SDK1: variants seen among roughly 807,000 people sequenced by gnomAD.
SDK1 encodes the protein sidekick cell adhesion molecule 1.
In SDK1, 157 loss-of-function variants were observed where a neutral mutation model predicts 245.5. The ratio of observed to expected loss-of-function variants is 0.64; its 90% CI spans 0.56 to 0.73. The LOEUF (loss-of-function observed/expected upper bound fraction) is 0.73, where lower values mean the gene tolerates loss of function less well. SDK1 is among the 30% of genes least tolerant of loss of function. The probability of loss-of-function intolerance (pLI) is 0.00; values close to 1 mark genes in which losing one functional copy is unlikely to be tolerated. For synonymous variants in SDK1, 1,647 were observed against 1,278.5 expected, an observed-to-expected ratio of 1.29 and a Z score of -6.15; for missense variants, 3,583 against 3,002.3, an observed-to-expected ratio of 1.19 and a Z score of -4.52.
In SDK1 at chr7:3,929,041, A is replaced by G. The variant is rs113480344; in HGVS notation, c.848-21882A>G. Among the ~76,000 whole-genome samples the G allele has an allele frequency of 1.1e-3, 171 of 152,364 alleles. 1 individual carries two copies. The highest frequency in any genetic ancestry group is 3.9e-3 in the African/African-American group (164 of 41,584). On this transcript the variant is annotated intron_variant, in intron 5 of 44. Coordinates refer to ENST00000404826, the MANE Select transcript of SDK1 (RefSeq NM_152744.4). ...TCAGTGTCACCAGAGGACACATCAG[A>G]CACAGTTAGCCTTCCCCATGTCAAC...
chr7:3,735,376 G>A (rs1246150847), intron 4 of SDK1, among the ~76,000 whole-genome samples: 1 of 152,154 alleles, frequency 6.6e-6, no homozygotes. Context: ...GTCTCTATGA[G>A]TTTGACTACT....
chr7:3,449,901 T>C (rs578059564), intron 1 of SDK1, among the ~76,000 whole-genome samples: 2 of 152,200 alleles, frequency 1.3e-5, no homozygotes, highest in Admixed American at 6.5e-5. Flanking sequence ...CAGAACTGTT[T>C]ATTAACAATT....
At chr7:4,073,292 C>T (rs1269812534) in intron 20 of SDK1, among the ~76,000 whole-genome samples, 2 of 152,190 alleles carry the variant, frequency 1.3e-5, no homozygotes, top group African/African-American at 4.8e-5. Flanking sequence ...CACCTCACGC[C>T]CACCACTCTG....
intron 1 of SDK1, among the ~76,000 whole-genome samples, chr7:3,447,585 G>A (rs191688434): frequency 4.0e-5 from 6 of 151,712 alleles, no homozygotes; most frequent in Admixed American, 1.3e-4. Context: ...TAGTATGAAT[G>A]TACTAATTAA....
At chr7:3,537,293 A>G (rs1227583482) in intron 1 of SDK1, among the ~76,000 whole-genome samples, 1 of 152,134 alleles carries the variant, frequency 6.6e-6, no homozygotes, top group African/African-American at 2.4e-5. Flanking sequence ...GTCTTAAAAT[A>G]CCCATTGTTC....
At chr7:3,969,845 C>T (rs568154535) in intron 11 of SDK1, among the ~76,000 whole-genome samples, 3 of 152,136 alleles carry the variant, frequency 2.0e-5, no homozygotes, top group Non-Finnish European at 4.4e-5. Context: ...ATCAATGTTT[C>T]TTGTATGTTA....
chr7:4,203,313 C>A (rs1171633041), intron 35 of SDK1, among the ~76,000 whole-genome samples: 2 of 152,190 alleles, frequency 1.3e-5, no homozygotes, highest in Non-Finnish European at 1.5e-5. Context: ...CTCTCCCAGG[C>A]CGCAGAGGCC....
intron 11 of SDK1, among the ~76,000 whole-genome samples, chr7:3,970,649 T>G (rs1782421199): frequency 6.6e-6 from 1 of 152,224 alleles, no homozygotes; most frequent in South Asian, 2.1e-4. Flanking sequence ...GATTCAACAT[T>G]ATAGCGACAC....
chr7:4,132,193 G>A (rs751835397), intron 27 of SDK1, 132 bp from the exon 28 acceptor site: 2 of 646,550 alleles, frequency 3.1e-6, no homozygotes, highest in Non-Finnish European at 5.4e-6. Flanking sequence ...AAACTTTAGG[G>A]GGTTCTAAAC....
chr7:3,502,054 G>T (rs1036321614), intron 1 of SDK1, among the ~76,000 whole-genome samples: 1 of 152,006 alleles, frequency 6.6e-6, no homozygotes, highest in Non-Finnish European at 1.5e-5. Flanking sequence ...ACTGCCATTT[G>T]ATTTCTATAA....
At chr7:4,254,617 C>T (rs920251300) in intron 44 of SDK1, among the ~76,000 whole-genome samples, 1 of 151,190 alleles carries the variant, frequency 6.6e-6, no homozygotes, top group Admixed American at 6.6e-5. Context: ...TGGGCACCCT[C>T]AGAAGCTACC....
intron 5 of SDK1, among the ~76,000 whole-genome samples, chr7:3,824,900 G>C (rs555632245): frequency 6.6e-6 from 1 of 152,154 alleles, no homozygotes; most frequent in East Asian, 1.9e-4. Context: ...CCCCTCTTGC[G>C]TGGTTAAGAA....
chr7:3,505,507 TC>T (rs995057740), intron 1 of SDK1, among the ~76,000 whole-genome samples: 1 of 152,174 alleles, frequency 6.6e-6, no homozygotes, highest in African/African-American at 2.4e-5. Context: ...CACCTAGGCC[TC>T]CCATAGTGCT....
intron 18 of SDK1, among the ~76,000 whole-genome samples, chr7:4,050,607 C>G (rs1789378914): frequency 6.6e-6 from 1 of 152,170 alleles, no homozygotes; most frequent in African/African-American, 2.4e-5. Flanking sequence ...AAAACATGAA[C>G]ACGCTTTCCT....
intron 1 of SDK1, among the ~76,000 whole-genome samples, chr7:3,573,179 G>C (rs1183739956): frequency 6.6e-6 from 1 of 152,094 alleles, no homozygotes; most frequent in Non-Finnish European, 1.5e-5. Context: ...GAAATACTTA[G>C]GAAGATTACC....
At chr7:3,481,631 T>A (rs979032999) in intron 1 of SDK1, among the ~76,000 whole-genome samples, 1 of 152,174 alleles carries the variant, frequency 6.6e-6, no homozygotes, top group Non-Finnish European at 1.5e-5. Flanking sequence ...GTGTACAGGG[T>A]TACCTCAGGG....
chr7:3,862,760 G>A (rs1171148065), intron 5 of SDK1, among the ~76,000 whole-genome samples: 1 of 152,146 alleles, frequency 6.6e-6, no homozygotes, highest in Non-Finnish European at 1.5e-5. Flanking sequence ...GTGTTCCTTA[G>A]AGCAGCCGTC....
chr7:3,911,061 C>T (rs1411697250), intron 5 of SDK1, among the ~76,000 whole-genome samples: 1 of 152,196 alleles, frequency 6.6e-6, no homozygotes, highest in Admixed American at 6.5e-5. Context: ...TCTGGGTCAG[C>T]TCTCCATTTT....
intron 1 of SDK1, among the ~76,000 whole-genome samples, chr7:3,329,216 T>TA (rs770050059): frequency 4.9e-4 from 74 of 152,304 alleles, no homozygotes; most frequent in Admixed American, 1.8e-3. Flanking sequence ...GGTACTCATT[T>TA]AAGCTCCCAA....
Sources: allele counts gnomAD v4.1 joint callset (sites outside exome capture counted in the v4.1 genomes callset), GRCh38; gene constraint gnomAD v4.1.1; transcripts MANE v1.5; gene names NCBI Gene and HGNC (gene_info 2026-07-23, HGNC 2026-07-21).